The following NID2 variants were observed in gnomAD, a reference collection of about 807,000 sequenced individuals.
The protein encoded by NID2 is nidogen 2, also known as nidogen-2.
A neutral mutation model predicts 145.4 loss-of-function variants in NID2; 83 were observed. That is an observed-to-expected ratio of 0.57 (90% CI 0.48 to 0.69). NID2 has a LOEUF of 0.69. Among genes scored for constraint, NID2 ranks in the 30% least tolerant of loss-of-function variants. NID2 has a pLI of 0.00. For synonymous variants in NID2, 739 were observed against 701.3 expected, an observed-to-expected ratio of 1.05 and a Z score of -0.85; for missense variants, 1,807 against 1,765.7, an observed-to-expected ratio of 1.02 and a Z score of -0.42.
chr14:52,040,700 G>A lies in NID2; in HGVS notation c.1977C>T (p.Phe659=). 1.2e-6 allele frequency: 2 copies of A among 1,614,160 alleles called. No homozygotes were observed. The highest frequency in any genetic ancestry group is 1.6e-4 in the Middle Eastern group (1 of 6,062). ...QGQVPYVSAN[F]TAHISPYKEL... ...CCTTGTAGGGAGAGATGTGGGCTGT[G>A]AAATTTGCTGAGACGTAAGGCACCT... is the stretch of plus-strand genomic sequence containing the variant. Residue 659 remains phenylalanine (F), a synonymous_variant, in exon 8 of 22, where the codon TTC becomes TTT. Coordinates refer to ENST00000216286, the MANE Select transcript of NID2 (RefSeq NM_007361.4).
intron 12 of NID2, among the ~76,000 whole-genome samples, chr14:52,022,165 C>T (rs1036808348): frequency 1.3e-5 from 2 of 151,296 alleles, no homozygotes; most frequent in African/African-American, 2.5e-5. Flanking sequence ...AATAAATCAA[C>T]GGTGTGCTTA....
At chr14:52,029,504 A>C in intron 10 of NID2, 43 bp downstream of exon 10, 1 of 1,582,502 alleles carries the variant, frequency 6.3e-7, no homozygotes, top group Non-Finnish European at 8.6e-7. Context: ...GGCAGAGGAA[A>C]AACAAGGGCT....
intron 5 of NID2, among the ~76,000 whole-genome samples, chr14:52,046,250 C>G (rs1254163129): frequency 1.4e-5 from 2 of 142,610 alleles, no homozygotes. Context: ...GTGAATCTGG[C>G]AGGCGGAGCT....
At chr14:52,061,098 C>T (rs1813415247) in intron 2 of NID2, among the ~76,000 whole-genome samples, 1 of 152,174 alleles carries the variant, frequency 6.6e-6, no homozygotes. Context: ...TGCATACGTC[C>T]CTCCCAGGCT....
In NID2 at chr14:52,014,299, C is replaced by G. The variant is rs1566743869; in HGVS notation, c.3408G>C (p.Leu1136=). The change falls in exon 16 of 22, where the codon CTG becomes CTC. Residue 1136 remains leucine, a synonymous_variant. Coordinates refer to ENST00000216286, the MANE Select transcript of NID2 (RefSeq NM_007361.4). The part of the protein sequence containing the change: ...TRLQKDAAKT[L]LSLHGSIIVG... ...AAATCCACTTTACATGCAGAGACAG[C>G]AGGGTCTTAGCTGCATCCTTCTGAA... The G allele has an allele frequency of 1.9e-6, 3 of 1,614,242 alleles. No homozygotes were observed. Among genetic ancestry groups the G allele is most frequent in the Admixed American group, 3.3e-5 (2 of 60,026 alleles).
In NID2 at chr14:52,020,120, A is replaced by T. The variant is rs1247281731; in HGVS notation, c.2733T>A (p.Pro911=). 2.5e-6 allele frequency: 4 copies of T among 1,614,204 alleles called. No homozygotes were observed. Among genetic ancestry groups the T allele is most frequent in the Non-Finnish European group, 3.4e-6 (4 of 1,179,990 alleles). The change falls in exon 13 of 22, where the codon CCT becomes CCA. Residue 911 remains proline (P), a synonymous_variant. Coordinates refer to ENST00000216286, the MANE Select transcript of NID2 (RefSeq NM_007361.4). ...GTTGACAACGGCAGGAGAAGGAACC[A>T]GGAGTATTGTAGCAGGTAGCTGCAG... is the stretch of plus-strand genomic sequence containing the variant. ...CHPAATCYNT[P]GSFSCRCQPG...
At chr14:52,009,499 GT>G (rs1353408960) in intron 18 of NID2, 1 of 152,128 alleles carries the variant, frequency 6.6e-6, no homozygotes, top group East Asian at 1.9e-4. Flanking sequence ...TTCAAGGTGG[GT>G]TTTCTTTTTA....
At chr14:52,065,510 A>ATTT (rs1283485957) in intron 2 of NID2, among the ~76,000 whole-genome samples, 1 of 71,314 alleles carries the variant, frequency 1.4e-5, no homozygotes. Flanking sequence ...TTATTTATTT[A>ATTT]TTTTTTATTA....
chr14:52,023,249 G>A (rs1891465065), intron 12 of NID2, among the ~76,000 whole-genome samples: 1 of 152,076 alleles, frequency 6.6e-6, no homozygotes, highest in Non-Finnish European at 1.5e-5. Context: ...GGCTGAGGGG[G>A]GTAGATCGAT....
At chr14:52,029,148 T>C (rs1189946142) in intron 10 of NID2, among the ~76,000 whole-genome samples, 1 of 152,202 alleles carries the variant, frequency 6.6e-6, no homozygotes, top group East Asian at 1.9e-4. Context: ...TTTTTTTTAA[T>C]ATCAAGAAAT....
Position 52,019,048 on chromosome 14 carries a change from GGCCTAA to G in NID2, c.3028+7_3028+12del. On this transcript the variant is annotated splice_region_variant and intron_variant, in intron 14 of 21. Transcript: ENST00000216286. Reference sequence around the variant, plus strand: ...GTGCCATTCTGCTTCTTGAGCCCCAGGCCTAAGCTCACCTGGTGATGGTCCACAGTG... The same window carrying G: ...GTGCCATTCTGCTTCTTGAGCCCCAGGCTCACCTGGTGATGGTCCACAGTG... The G allele has an allele frequency of 6.2e-7, 1 of 1,607,374 alleles. No homozygotes were observed. Among genetic ancestry groups the G allele is most frequent in the Non-Finnish European group, 8.5e-7 (1 of 1,174,702 alleles).
intron 9 of NID2, among the ~76,000 whole-genome samples, chr14:52,034,071 GT>G (rs1225370221): frequency 1.3e-5 from 2 of 152,154 alleles, no homozygotes; most frequent in Non-Finnish European, 2.9e-5. Context: ...GTTAATTCAT[GT>G]AAGGTGCTTA....
At chr14:52,029,963 T>C (rs1163062158) in intron 9 of NID2, among the ~76,000 whole-genome samples, 2 of 152,198 alleles carry the variant, frequency 1.3e-5, no homozygotes, top group African/African-American at 4.8e-5. Context: ...CCAAAACATC[T>C]GTTTAAAAGT....
intron 9 of NID2, among the ~76,000 whole-genome samples, chr14:52,030,088 G>A (rs1490795651): frequency 6.6e-6 from 1 of 152,130 alleles, no homozygotes; most frequent in African/African-American, 2.4e-5. Context: ...GGGAAAAATT[G>A]CCCAAGCTCA....
intron 8 of NID2, among the ~76,000 whole-genome samples, chr14:52,040,251 ATTTT>A (rs11423537): frequency 6.8e-6 from 1 of 147,354 alleles, no homozygotes; most frequent in African/African-American, 2.5e-5. Flanking sequence ...TCTTTCTGTG[ATTTT>A]TTTTTTTTTT....
intron 4 of NID2, 31 bp from the exon 5 acceptor site, chr14:52,053,969 G>A: frequency 6.2e-7 from 1 of 1,611,712 alleles, no homozygotes; most frequent in Non-Finnish European, 8.5e-7. Context: ...CAATAAGTAG[G>A]TGTTGGATGC....
chr14:52,030,567 A>AGAAAAGAGAAT (rs66551436), intron 9 of NID2, among the ~76,000 whole-genome samples: 2 of 99,272 alleles, frequency 2.0e-5, no homozygotes, highest in African/African-American at 7.7e-5. Context: ...AAAGAAAGAA[A>AGAAAAGAGAAT]GGAAGGAAGG....
chr14:52,005,685 T>TC, intron 21 of NID2, 52 bp downstream of exon 21: 1 of 1,461,542 alleles, frequency 6.8e-7, no homozygotes, highest in Non-Finnish European at 9.6e-7. Context: ...ACCATATATA[T>TC]CCCTTCTCTA....
Position 52,011,573 on chromosome 14 carries a change from A to C in NID2, c.3531T>G (p.Pro1177=). ...GCTGACCTGAATTCACGATCGTCTC[A>C]GGCTCTGCTCCCAGTTCCAGACCAG... ...SRAGLELGAE[P]ETIVNSGLIS... Residue 1177 remains proline, a synonymous_variant, in exon 17 of 22, where the codon CCT becomes CCG. Coordinates refer to ENST00000216286, the MANE Select transcript of NID2 (RefSeq NM_007361.4). 6.2e-7 allele frequency: 1 copy of C among 1,614,224 alleles called. No homozygotes were observed. Among genetic ancestry groups the C allele is most frequent in the Non-Finnish European group, 8.5e-7 (1 of 1,180,028 alleles).
Sources: allele counts gnomAD v4.1 joint callset (sites outside exome capture counted in the v4.1 genomes callset), GRCh38; gene constraint gnomAD v4.1.1; transcripts MANE v1.5; gene names NCBI Gene and HGNC (gene_info 2026-07-23, HGNC 2026-07-21).